The following RASGEF1C variants were observed in gnomAD, a reference collection of about 807,000 sequenced individuals.
The protein encoded by RASGEF1C is RasGEF domain family member 1C.
A neutral mutation model predicts 58.1 loss-of-function variants in RASGEF1C; 27 were observed. The ratio of observed to expected loss-of-function variants is 0.46; its 90% CI spans 0.34 to 0.64. The LOEUF is 0.64. Among genes scored for constraint, RASGEF1C ranks in the 30% least tolerant of loss-of-function variants. The probability of loss-of-function intolerance (pLI) is 0.01; values close to 1 mark genes in which losing one functional copy is unlikely to be tolerated. For missense variants in RASGEF1C, 502 were observed against 605.1 expected, an observed-to-expected ratio of 0.83 and a Z score of 1.79; for synonymous variants, 243 against 246.3, an observed-to-expected ratio of 0.99 and a Z score of 0.13.
chr5:180,165,704 C>T (rs2113304756), intron 1 of RASGEF1C, among the ~76,000 whole-genome samples: 1 of 149,184 alleles, frequency 6.7e-6, no homozygotes, highest in South Asian at 2.1e-4. Flanking sequence ...CCCTTTATGC[C>T]TTCTTTTGAA....
In RASGEF1C at chr5:180,157,003, C is replaced by T. The variant is rs118125789; in HGVS notation, c.-6-18945G>A. On this transcript the variant is annotated intron_variant, in intron 1 of 13. Transcript: ENST00000361132. ...CTACTAGAGTGGTCAAAATCCAGAT[C>T]ACTGTCACCACCAAATGCTGGTAAG... Among the ~76,000 whole-genome samples the T allele has an allele frequency of 7.2e-5, 11 of 152,256 alleles. No individual in the cohort carries two copies. In the East Asian group the frequency reaches 2.1e-3, roughly 29 times the overall value.
At chr5:180,118,947 C>T (rs77441079) in intron 8 of RASGEF1C, 81 bp from the exon 9 acceptor site, 15,763 of 1,331,824 alleles carry the variant, frequency 0.012, 127 homozygotes, top group Non-Finnish European at 0.015. Context: ...TGGACTGCAC[C>T]CTGACCAGGG....
intron 13 of RASGEF1C, 34 bp from the exon 14 acceptor site, chr5:180,101,559 C>T: frequency 6.2e-7 from 1 of 1,608,888 alleles, no homozygotes; most frequent in Non-Finnish European, 8.5e-7. Flanking sequence ...GCGGTGAGAG[C>T]CTGGAGCTCC....
intron 1 of RASGEF1C, among the ~76,000 whole-genome samples, chr5:180,176,755 A>G (rs553346784): frequency 8.6e-5 from 13 of 151,800 alleles, no homozygotes; most frequent in African/African-American, 2.4e-4. Context: ...ATGGGGTTTC[A>G]CCATGTTGGC....
intron 1 of RASGEF1C, among the ~76,000 whole-genome samples, chr5:180,151,165 C>T (rs1225285389): frequency 6.6e-6 from 1 of 152,086 alleles, no homozygotes; most frequent in Non-Finnish European, 1.5e-5. Context: ...AGATTCAATG[C>T]CATCCCCATC....
chr5:180,180,816 A>G (rs1767312445), intron 1 of RASGEF1C, among the ~76,000 whole-genome samples: 1 of 152,232 alleles, frequency 6.6e-6, no homozygotes, highest in South Asian at 2.1e-4. Flanking sequence ...GAACCAGGCC[A>G]CCAGCACCCA....
chr5:180,182,528 CTGCTGATTGGTCCATTTTACAGAG>C (rs1043363382), intron 1 of RASGEF1C, among the ~76,000 whole-genome samples: 4 of 152,206 alleles, frequency 2.6e-5, no homozygotes, highest in Admixed American at 6.5e-5. Flanking sequence ...TGCCCATGTC[CTGCTGATTGGTCCATTTTACAGAG>C]TGCTGATTGG....
rs984416521 is a variant in RASGEF1C at position 180,137,825 on chromosome 5, G to A, written c.177+51C>T. ...GTCACGCCCAACCCTGATGCCCCCC[G>A]TGCGTGGTGGAGGAGAGCCCACTCT... On this transcript the variant is annotated intron_variant, in intron 2 of 13. Transcript: ENST00000361132. This position sits in a 1 kb window ranked among gnomAD's most constrained non-coding sequence, Gnocchi z 4.1. 3.7e-6 allele frequency: 6 copies of A among 1,602,902 alleles called. No homozygotes were observed. The highest frequency in any genetic ancestry group is 2.2e-5 in the East Asian group (1 of 44,666).
intron 7 of RASGEF1C, among the ~76,000 whole-genome samples, chr5:180,119,825 T>G (rs1766136954): frequency 6.6e-6 from 1 of 152,208 alleles, no homozygotes; most frequent in South Asian, 2.1e-4. Context: ...CTCCTCTCAC[T>G]GGGGTACAAG....
rs147434663 is a variant in RASGEF1C at position 180,168,259 on chromosome 5, C to T, written c.-6-30201G>A. Among the ~76,000 whole-genome samples the T allele has an allele frequency of 4.4e-4, 67 of 152,150 alleles. No homozygotes were observed. The highest frequency in any genetic ancestry group is 6.8e-3 in the Middle Eastern group (2 of 294). On this transcript the variant is annotated intron_variant, in intron 1 of 13. Transcript: ENST00000361132. This position sits in a 1 kb window ranked among gnomAD's most constrained non-coding sequence, Gnocchi z 6.0. The stretch of plus-strand genomic sequence containing the variant: ...CAGCCTGATCAACATGGAGAAACCC[C>T]GTCTCTACTTAAAAAAATACAAAAT...
chr5:180,208,619 T>C (rs1026089595), intron 1 of RASGEF1C, among the ~76,000 whole-genome samples: 8 of 152,104 alleles, frequency 5.3e-5, no homozygotes, highest in Non-Finnish European at 1.0e-4. Context: ...CCCTTTCCCT[T>C]CTGCACGTGC....
chr5:180,104,289 C>T (rs561211609), intron 12 of RASGEF1C, among the ~76,000 whole-genome samples: 1 of 152,268 alleles, frequency 6.6e-6, no homozygotes, highest in South Asian at 2.1e-4. Context: ...CATGAGGTTC[C>T]ACCCTCATGG....
chr5:180,108,600 T>C (rs1765906357), intron 12 of RASGEF1C, among the ~76,000 whole-genome samples: 1 of 152,216 alleles, frequency 6.6e-6, no homozygotes, highest in Non-Finnish European at 1.5e-5. Context: ...TATTCTGCTG[T>C]TAAGCCCATT....
chr5:180,103,782 TCTG>T (rs954155911), intron 12 of RASGEF1C, among the ~76,000 whole-genome samples: 4 of 152,256 alleles, frequency 2.6e-5, no homozygotes, highest in African/African-American at 9.6e-5. Flanking sequence ...CATTAAATCT[TCTG>T]CTGTTAAATA....
intron 11 of RASGEF1C, among the ~76,000 whole-genome samples, chr5:180,113,770 G>A (rs1228804230): frequency 6.6e-6 from 1 of 151,864 alleles, no homozygotes; most frequent in East Asian, 1.9e-4. Context: ...ACCGGGGATG[G>A]ACGGAGGGAT....
chr5:180,119,533 A>G (rs1209648621), intron 7 of RASGEF1C, 85 bp from the exon 8 acceptor site: 2 of 1,013,252 alleles, frequency 2.0e-6, no homozygotes, highest in African/African-American at 1.6e-5. Context: ...GGCCCGCTTC[A>G]CCTTCTCTAA....
intron 1 of RASGEF1C, among the ~76,000 whole-genome samples, chr5:180,141,780 G>C (rs1295773168): frequency 2.8e-5 from 4 of 140,528 alleles, no homozygotes; most frequent in African/African-American, 8.1e-5. Context: ...CACGATCTTT[G>C]CTCACTGCAG....
At chr5:180,178,678 G>C (rs1246471826) in intron 1 of RASGEF1C, among the ~76,000 whole-genome samples, 1 of 152,102 alleles carries the variant, frequency 6.6e-6, no homozygotes, top group Non-Finnish European at 1.5e-5. Flanking sequence ...TAACACCCCA[G>C]CTCTGAAGTG....
At chr5:180,175,228 C>A (rs1278314849) in intron 1 of RASGEF1C, among the ~76,000 whole-genome samples, 1 of 147,638 alleles carries the variant, frequency 6.8e-6, no homozygotes, top group African/African-American at 2.7e-5. Flanking sequence ...GGGGTTGGAG[C>A]CCCCCCAGCG....
Sources: gnomAD v4.1 joint callset for allele counts (sites outside exome capture counted in the v4.1 genomes callset) on GRCh38, gnomAD v4.1.1 for gene constraint, Gnocchi (gnomAD v3.1) non-coding constraint, MANE v1.5 for transcripts, NCBI Gene and HGNC (gene_info 2026-07-23, HGNC 2026-07-21) for gene names.